The following NUP153 variants were observed in gnomAD, a reference collection of about 807,000 sequenced individuals.
NUP153 encodes nucleoporin 153.
Under a neutral mutation model 134.6 loss-of-function variants are expected in NUP153, and 27 were observed. That is an observed-to-expected ratio of 0.20 (90% CI 0.15 to 0.28). The LOEUF is 0.28. Among genes scored for constraint, NUP153 ranks in the 10% least tolerant of loss-of-function variants. NUP153 has a pLI of 1.00. For synonymous variants in NUP153, 640 were observed against 623.5 expected (o/e 1.03, Z -0.40); for missense variants, 1,821 against 1,731.3 (o/e 1.05, Z -0.92).
chr6:17,664,179 C>T (rs7740055), intron 9 of NUP153, among the ~76,000 whole-genome samples: 114,362 of 152,016 alleles, frequency 0.75, 43,393 homozygotes, highest in East Asian at 0.89. Flanking sequence ...CTTGAAAACA[C>T]TATGCTAAGT....
intron 8 of NUP153, among the ~76,000 whole-genome samples, chr6:17,667,491 G>C: frequency 6.6e-6 from 1 of 152,184 alleles, no homozygotes; most frequent in East Asian, 1.9e-4. Flanking sequence ...GAGGCGGGCG[G>C]ATCACGAGGT....
intron 8 of NUP153, among the ~76,000 whole-genome samples, 183 bp from the exon 9 acceptor site, chr6:17,665,568 C>T (rs1327352371): frequency 2.0e-5 from 3 of 152,042 alleles, no homozygotes; most frequent in East Asian, 1.9e-4. Flanking sequence ...TATTCATATA[C>T]CTATGCACAT....
chr6:17,617,679 T>TA (rs890889758), intron 20 of NUP153, among the ~76,000 whole-genome samples: 3 of 151,704 alleles, frequency 2.0e-5, no homozygotes, highest in Non-Finnish European at 4.4e-5. Context: ...CCTATCTCTA[T>TA]AAAAAATTTT....
Position 17,637,788 on chromosome 6 carries a change from G to A in NUP153, c.1847-18C>T, listed in dbSNP as rs747297782. ...TGCGAAACCTACAATGAACGAAGGAGAGAGTGCAACGTTAGAGAAGCTTTA... is the reference window on the plus strand; with the variant it reads ...TGCGAAACCTACAATGAACGAAGGAAAGAGTGCAACGTTAGAGAAGCTTTA... On this transcript the variant is annotated intron_variant, in intron 15 of 21. Coordinates refer to ENST00000262077, the MANE Select transcript of NUP153 (RefSeq NM_005124.4). 2.5e-6 allele frequency: 4 copies of A among 1,580,464 alleles called. No individual in the cohort carries two copies. Among genetic ancestry groups the A allele is most frequent in the Admixed American group, 1.8e-5 (1 of 56,808 alleles).
In NUP153 at chr6:17,623,770, C is replaced by A. The variant is rs1270012337; in HGVS notation, c.4174+791G>T. On this transcript the variant is annotated intron_variant, in intron 20 of 21. Transcript: ENST00000262077. ...AAAACAATCACAAATCAAAAGACTG[C>A]ATGCAGTAATATTCCATTTATATAA... Among the ~76,000 whole-genome samples the A allele has an allele frequency of 3.3e-5, 5 of 152,282 alleles. No homozygotes were observed. In the East Asian group the frequency reaches 9.6e-4, roughly 29 times the overall value.
intron 1 of NUP153, among the ~76,000 whole-genome samples, chr6:17,696,904 T>C (rs1289658056): frequency 1.3e-5 from 2 of 151,630 alleles, no homozygotes; most frequent in Non-Finnish European, 2.9e-5. Flanking sequence ...GAAATACCAT[T>C]TCTACTAAAA....
chr6:17,702,386 T>C (rs528722571), intron 1 of NUP153, among the ~76,000 whole-genome samples: 2 of 152,240 alleles, frequency 1.3e-5, no homozygotes, highest in African/African-American at 2.4e-5. Context: ...AAGGCACCTG[T>C]AGTCCCAGCT....
chr6:17,678,760 A>G lies in NUP153; in HGVS notation c.335-2990T>C, dbSNP rs145622778. ...GGAGTTCGAGACCAGCCTGGGCAAC[A>G]TACTGAGACTTCATCTCTACTAAAA... On this transcript the variant is annotated intron_variant, in intron 2 of 21. Coordinates refer to ENST00000262077, the MANE Select transcript of NUP153 (RefSeq NM_005124.4). Among the ~76,000 whole-genome samples, 606 of 151,944 alleles carry G rather than the reference A, an allele frequency of 4.0e-3. 3 individuals carry two copies. Among genetic ancestry groups the G allele is most frequent in the Middle Eastern group, 0.031 (9 of 294 alleles).
intron 18 of NUP153, among the ~76,000 whole-genome samples, chr6:17,627,403 T>A (rs1258564193): frequency 2.0e-5 from 3 of 152,218 alleles, no homozygotes; most frequent in African/African-American, 7.2e-5. Flanking sequence ...TGTTTCCAAT[T>A]TATTATTCAA....
In NUP153 at chr6:17,640,046, A is replaced by G. The variant is rs891536582; in HGVS notation, c.1739T>C (p.Val580Ala). The change falls in exon 15 of 22, where the codon GTG (valine) becomes GCG (alanine). Residue 580 changes from valine (V) to alanine (A), a missense_variant. Transcript: ENST00000262077. ...TGTCTTCTTACAATTTGTACTGTTCACTGTAGTGACATGATGAGCTGTAAT... is the reference window on the plus strand; with the variant it reads ...TGTCTTCTTACAATTTGTACTGTTCGCTGTAGTGACATGATGAGCTGTAAT... ...ISSSAHHVTT[V>A]NSTNCKKTPP... 6.3e-7 allele frequency: 1 copy of G among 1,594,134 alleles called. No homozygotes were observed. Among genetic ancestry groups the G allele is most frequent in the Non-Finnish European group, 8.5e-7 (1 of 1,171,832 alleles).
rs540627111 is a variant in NUP153 at position 17,668,859 on chromosome 6, T to C, written c.1068+116A>G. The C allele has an allele frequency of 1.5e-5, 10 of 676,766 alleles. No homozygotes were observed. The East Asian group carries it at 3.2e-4, about 22-fold the overall frequency. 41.9% of individuals were successfully genotyped at this position (676,766 alleles called of 1,614,324 possible). ...CTGAGACTCAAAAAAAAAAAGAATATTATTTTTCAAACATGTTCCCTAATG... is the reference window on the plus strand; with the variant it reads ...CTGAGACTCAAAAAAAAAAAGAATACTATTTTTCAAACATGTTCCCTAATG... On this transcript the variant is annotated intron_variant, in intron 8 of 21. Transcript: ENST00000262077.
chr6:17,693,289 T>C (rs564466561), intron 1 of NUP153, among the ~76,000 whole-genome samples: 1 of 152,146 alleles, frequency 6.6e-6, no homozygotes, highest in African/African-American at 2.4e-5. Flanking sequence ...TGATAGGCTG[T>C]TTCTATGGAC....
chr6:17,654,579 G>A (rs1316281963), intron 11 of NUP153, among the ~76,000 whole-genome samples: 7 of 151,916 alleles, frequency 4.6e-5, no homozygotes, highest in Non-Finnish European at 8.8e-5. Flanking sequence ...CTCGGCCTCC[G>A]AAAGTGCTGC....
intron 2 of NUP153, among the ~76,000 whole-genome samples, chr6:17,685,711 CCAGT>C (rs1415809465): frequency 6.6e-6 from 1 of 152,090 alleles, no homozygotes; most frequent in Non-Finnish European, 1.5e-5. Flanking sequence ...CTCAGTGTTA[CCAGT>C]CATGTAAAAC....
chr6:17,670,401 T>C (rs973810753), intron 5 of NUP153, among the ~76,000 whole-genome samples: 15 of 152,216 alleles, frequency 9.9e-5, no homozygotes, highest in African/African-American at 3.1e-4. Flanking sequence ...TGTGACCCTG[T>C]TAAACTCGCT....
At chr6:17,624,942 A>G in intron 19 of NUP153, 109 bp from the exon 20 acceptor site, 1 of 1,022,536 alleles carries the variant, frequency 9.8e-7, no homozygotes, top group African/African-American at 1.6e-5. Flanking sequence ...TCAGACTCTT[A>G]CCTTGCTAAC....
rs756071154 is a variant in NUP153, at chr6:17,616,711, C to A, written c.4175-16G>T. 9 of 1,601,934 alleles carry A rather than the reference C, an allele frequency of 5.6e-6. No homozygotes were observed. In the African/African-American group the frequency reaches 1.2e-4, roughly 21 times the overall value. On this transcript the variant is annotated splice_polypyrimidine_tract_variant and intron_variant, in intron 20 of 21. Transcript: ENST00000262077. ...AAAGCCGAACCTGCAATAGTTAAAG[C>A]AGAAATACTTCATTAGGGCAAAATG...
chr6:17,663,052 A>G (rs1303234355), intron 9 of NUP153, among the ~76,000 whole-genome samples: 1 of 152,158 alleles, frequency 6.6e-6, no homozygotes, highest in East Asian at 1.9e-4. Flanking sequence ...GAATCTGTAG[A>G]TTACAGTGTT....
intron 11 of NUP153, among the ~76,000 whole-genome samples, chr6:17,658,014 G>A (rs755742088): frequency 5.9e-5 from 9 of 152,220 alleles, no homozygotes; most frequent in African/African-American, 1.9e-4. Context: ...TTCAAAATGG[G>A]TTGTAAAGCA....
Sources: allele counts gnomAD v4.1 joint callset (sites outside exome capture counted in the v4.1 genomes callset), GRCh38; gene constraint gnomAD v4.1.1; transcripts MANE v1.5; gene names NCBI Gene and HGNC (gene_info 2026-07-23, HGNC 2026-07-21).